The following SIM2 variants were observed in gnomAD, a reference collection of about 807,000 sequenced individuals.
The protein encoded by SIM2 is single-minded homolog 2.
SIM2 carries 28 observed loss-of-function variants against 64.8 expected under a neutral mutation model. The observed-to-expected ratio is 0.43, with a 90% confidence interval of 0.32 to 0.59. The LOEUF is 0.59. Among genes scored for constraint, SIM2 ranks in the 20% least tolerant of loss-of-function variants. SIM2 has a pLI of 0.07. For synonymous variants in SIM2, 408 were observed against 391.1 expected (o/e 1.04, Z -0.51); for missense variants, 847 against 871.4 (o/e 0.97, Z 0.35).
chr21:36,706,316 C>T (rs1025097941), intron 1 of SIM2, among the ~76,000 whole-genome samples: 2 of 152,180 alleles, frequency 1.3e-5, no homozygotes, highest in African/African-American at 4.8e-5. Flanking sequence ...GCACAGCGTC[C>T]CCACAGGTCC....
intron 6 of SIM2, among the ~76,000 whole-genome samples, chr21:36,727,193 C>T (rs2088903962): frequency 6.6e-6 from 1 of 152,114 alleles, no homozygotes; most frequent in Admixed American, 6.5e-5. Flanking sequence ...CACCACCATG[C>T]CCAGTTAATT....
chr21:36,731,233 T>A, intron 7 of SIM2, 82 bp downstream of exon 7: 1 of 954,226 alleles, frequency 1.0e-6, no homozygotes, highest in Non-Finnish European at 1.6e-6. Context: ...GACGTGTCCC[T>A]TTTGTTGGTG....
intron 7 of SIM2, among the ~76,000 whole-genome samples, chr21:36,733,531 A>T (rs1238146705): frequency 6.7e-6 from 1 of 149,890 alleles, no homozygotes; most frequent in Admixed American, 6.6e-5. Flanking sequence ...CTTTTATCTC[A>T]CACTGCCTGG....
intron 5 of SIM2, among the ~76,000 whole-genome samples, chr21:36,725,746 A>G (rs1385242557): frequency 1.3e-5 from 2 of 152,102 alleles, no homozygotes; most frequent in African/African-American, 4.8e-5. Flanking sequence ...CAGCCTCCCA[A>G]GTAGCTGGAG....
chr21:36,738,469 C>T (rs1601053414), intron 7 of SIM2, among the ~76,000 whole-genome samples: 1 of 152,200 alleles, frequency 6.6e-6, no homozygotes, highest in East Asian at 1.9e-4. Flanking sequence ...CATGCCACTG[C>T]ACTCCAGCCT....
intron 3 of SIM2, among the ~76,000 whole-genome samples, chr21:36,719,504 C>G (rs948398662): frequency 6.6e-6 from 1 of 152,186 alleles, no homozygotes; most frequent in African/African-American, 2.4e-5. Context: ...AGGATGCTGC[C>G]CAGGCCAGCA....
chr21:36,726,142 G>A lies in SIM2; in HGVS notation c.567G>A (p.Leu189=). The A allele has an allele frequency of 1.2e-6, 2 of 1,613,838 alleles. No individual in the cohort carries two copies. The highest frequency in any genetic ancestry group is 1.1e-5 in the South Asian group (1 of 91,082). Residue 189 remains leucine, a synonymous_variant, in exon 6 of 11, where the codon TTG becomes TTA. Transcript: ENST00000290399. The surrounding 1 kb of genome is among the most constrained non-coding windows in gnomAD (Gnocchi z 4.5). ...GYKVIHCSGY[L]KIRQYMLDMS... ...AGGTCATCCACTGCAGTGGCTACTT[G>A]AAGATCAGGCAGTATATGCTGGACA...
chr21:36,710,705 C>T (rs1200519685), intron 2 of SIM2: 1 of 152,230 alleles, frequency 6.6e-6, no homozygotes, highest in Non-Finnish European at 1.5e-5. Flanking sequence ...TCTCTTGCCC[C>T]AAGTGCCCTG....
intron 1 of SIM2, 131 bp downstream of exon 1, chr21:36,700,052 T>C: frequency 1.0e-6 from 1 of 960,998 alleles, no homozygotes; most frequent in Non-Finnish European, 1.5e-6. Flanking sequence ...CTGAGGGAGG[T>C]TGCGTGAGGG....
At chr21:36,721,931 A>G (rs1444539855) in intron 4 of SIM2, among the ~76,000 whole-genome samples, 1 of 152,114 alleles carries the variant, frequency 6.6e-6, no homozygotes, top group Non-Finnish European at 1.5e-5. Flanking sequence ...GGCTGGAAGC[A>G]TTGAGGCCGC....
intron 1 of SIM2, among the ~76,000 whole-genome samples, chr21:36,707,973 G>GTTCCTGGGGTGGAGAGCGGGCAT: frequency 6.6e-6 from 1 of 150,992 alleles, no homozygotes. Flanking sequence ...GCCTGGCCCA[G>GTTCCTGGGGTGGAGAGCGGGCAT]CGTGGGTTGG....
chr21:36,705,790 T>C (rs2088572154), intron 1 of SIM2, among the ~76,000 whole-genome samples: 1 of 152,202 alleles, frequency 6.6e-6, no homozygotes, highest in Non-Finnish European at 1.5e-5. Context: ...TTCTTGTTGT[T>C]AACCGCATTT....
intron 7 of SIM2, among the ~76,000 whole-genome samples, chr21:36,731,681 G>A (rs939878430): frequency 1.3e-5 from 2 of 152,072 alleles, no homozygotes; most frequent in Non-Finnish European, 2.9e-5. Context: ...CCCTGCCTCC[G>A]ACTGCTATAC....
chr21:36,704,934 GAGA>G (rs1195675739), intron 1 of SIM2, among the ~76,000 whole-genome samples: 1 of 152,250 alleles, frequency 6.6e-6, no homozygotes, highest in Non-Finnish European at 1.5e-5. Context: ...TCCGACGCGG[GAGA>G]AGGATTGAAG....
intron 7 of SIM2, among the ~76,000 whole-genome samples, chr21:36,732,549 T>C (rs768264736): frequency 2.0e-5 from 3 of 152,212 alleles, no homozygotes; most frequent in Non-Finnish European, 4.4e-5. Flanking sequence ...CAAATCTCTA[T>C]GGACAGAAAC....
chr21:36,719,441 A>T (rs183703389), intron 3 of SIM2, among the ~76,000 whole-genome samples: 1 of 152,338 alleles, frequency 6.6e-6, no homozygotes. Flanking sequence ...ATCGCCAGCA[A>T]GGGAAGGACA....
chr21:36,733,927 G>A (rs1313547090), intron 7 of SIM2, among the ~76,000 whole-genome samples: 2 of 152,224 alleles, frequency 1.3e-5, no homozygotes, highest in African/African-American at 4.8e-5. Flanking sequence ...TGCTCAGTCA[G>A]TGCCTCCTCT....
chr21:36,747,946 T>G lies in SIM2; in HGVS notation c.1858T>G (p.Ser620Ala), dbSNP rs936411539. The part of the protein sequence containing the change: ...GPLGGAAPAA[S>A]GLACAPGGPE... ...GCTGGGGGGCGCCGCACCCGCCGCC[T>G]CCGGCCTGGCCTGCGCTCCCGGCGG... Residue 620 changes from serine (S) to alanine (A), a missense_variant, in exon 11 of 11, where the codon TCC becomes GCC. Physicochemically the swap from Ser to Ala is moderately conservative, Grantham distance 99. Transcript: ENST00000290399. The surrounding 1 kb of genome is among the most constrained non-coding windows in gnomAD (Gnocchi z 4.5). 1 of 1,021,194 alleles carries G rather than the reference T, an allele frequency of 9.8e-7. No individual in the cohort carries two copies. Among genetic ancestry groups the G allele is most frequent in the African/African-American group, 1.8e-5 (1 of 56,814 alleles). 63.3% of individuals were successfully genotyped at this position (1,021,194 alleles called of 1,614,324 possible).
chr21:36,719,727 C>T (rs988862209), intron 3 of SIM2, 94 bp from the exon 4 acceptor site: 8 of 750,002 alleles, frequency 1.1e-5, no homozygotes, highest in South Asian at 1.0e-4. Context: ...AGTTCTGTTC[C>T]TGGCAGGGTG....
Sources: gnomAD v4.1 joint callset for allele counts (sites outside exome capture counted in the v4.1 genomes callset) on GRCh38, gnomAD v4.1.1 for gene constraint, Gnocchi (gnomAD v3.1) non-coding constraint, MANE v1.5 for transcripts, NCBI Gene and HGNC (gene_info 2026-07-23, HGNC 2026-07-21) for gene names.